Variants in GUCD1 observed in about 807,000 individuals in gnomAD.
The protein encoded by GUCD1 is guanylyl cyclase domain containing 1.
A neutral mutation model predicts 28.3 loss-of-function variants in GUCD1; 17 were observed. The observed-to-expected ratio is 0.60, with a 90% CI of 0.41 to 0.90. The LOEUF (loss-of-function observed/expected upper bound fraction) is 0.90, where lower values mean the gene tolerates loss of function less well. Ranked by LOEUF, GUCD1 falls within the 40% of genes least tolerant of loss-of-function variation. The pLI, the probability that GUCD1 is intolerant of heterozygous loss-of-function variation, is 0.00. For synonymous variants in GUCD1, 129 were observed against 123.3 expected, an observed-to-expected ratio of 1.05 and a Z score of -0.30; for missense variants, 279 against 305.5, an observed-to-expected ratio of 0.91 and a Z score of 0.65.
chr22:24,546,252 C>A (rs568748339), intron 4 of GUCD1, among the ~76,000 whole-genome samples: 64 of 151,740 alleles, frequency 4.2e-4, no homozygotes, highest in Non-Finnish European at 6.0e-4. Flanking sequence ...TGAGCCACCG[C>A]GCCCGGCCCC....
upstream of GUCD1, chr22:24,555,153 G>A (rs993066949): frequency 1.6e-5 from 21 of 1,303,780 alleles, no homozygotes; most frequent in Admixed American, 2.9e-4. Flanking sequence ...CGCCCCAAGC[G>A]CCGCCCCAGC....
chr22:24,544,106 C>A, intron 4 of GUCD1, 23 bp from the exon 5 acceptor site: 1 of 1,598,876 alleles, frequency 6.3e-7, no homozygotes, highest in Non-Finnish European at 8.6e-7. Context: ...GGGGGGTCAG[C>A]TGGTGCTGCT....
At position 24,555,020 on chromosome 22, in the gene GUCD1, C is replaced by A. The variant is rs757037411; in HGVS notation, c.-29G>T. On this transcript the variant is annotated 5_prime_UTR_variant, in exon 1 of 6. Coordinates refer to ENST00000435822, the MANE Select transcript of GUCD1 (RefSeq NM_001284254.2). ...CCGGGCGGCGCGGGGCGCCCATGGC[C>A]CCGGCCCAGAGCGGGCTACAGCTTC... The A allele has an allele frequency of 1.4e-6, 2 of 1,474,790 alleles. No individual in the cohort carries two copies. Among genetic ancestry groups the A allele is most frequent in the Non-Finnish European group, 1.8e-6 (2 of 1,116,942 alleles). The allele number at this position is 1,474,790 out of a possible 1,614,324, so 91.4% of individuals were successfully genotyped here.
chr22:24,547,954 C>T lies in GUCD1; in HGVS notation c.248G>A (p.Arg83His). The change falls in exon 3 of 6, where the codon CGC (arginine) becomes CAC (histidine). Residue 83 changes from arginine to histidine, a missense_variant. Transcript: ENST00000435822. ...GACACCCAGGGTCTGGGTACAGAAG[C>T]GGTGCCTCACGCCAAAGTGGTGCAT... ...YLMHHFGVRHRFCTQTLGVDK... is the reference protein window; with the variant it reads ...YLMHHFGVRHHFCTQTLGVDK... 6.2e-7 allele frequency: 1 copy of T among 1,614,180 alleles called. No homozygotes were observed. Among genetic ancestry groups the T allele is most frequent in the South Asian group, 1.1e-5 (1 of 91,090 alleles).
chr22:24,542,743 C>A lies in GUCD1; in HGVS notation c.*263G>T. Reference sequence around the variant, plus strand: ...CTGTCGGGACTGGACTTCCTGTGGGCGCAGCTGGAGTCAAGGCTTGGGGTC... The same window carrying A: ...CTGTCGGGACTGGACTTCCTGTGGGAGCAGCTGGAGTCAAGGCTTGGGGTC... On this transcript the variant is annotated 3_prime_UTR_variant, in exon 6 of 6. Transcript: ENST00000435822. The A allele has an allele frequency of 2.3e-6, 1 of 439,618 alleles. No homozygotes were observed. Among genetic ancestry groups the A allele is most frequent in the Non-Finnish European group, 4.2e-6 (1 of 236,402 alleles). The allele number at this position is 439,618 out of a possible 1,614,324, so 27.2% of individuals were successfully genotyped here.
At chr22:24,554,890 C>T in intron 1 of GUCD1, 59 bp downstream of exon 1, 1 of 1,378,246 alleles carries the variant, frequency 7.3e-7, no homozygotes, top group South Asian at 1.2e-5. Flanking sequence ...CTGCCCCGCG[C>T]TAGGGAGGGG....
In GUCD1 at chr22:24,542,847, T is replaced by C. The variant is rs370683879; in HGVS notation, c.*159A>G. The C allele has an allele frequency of 3.5e-4, 217 of 622,538 alleles. 1 individual carries two copies. The East Asian group carries it at 3.9e-3, about 11-fold the overall frequency. The allele number at this position is 622,538 out of a possible 1,614,324, so 38.6% of individuals were successfully genotyped here. A position where few individuals can be genotyped will look rare whatever the true frequency, so the allele number is the denominator to read the frequency against. The stretch of plus-strand genomic sequence containing the variant: ...ACACGGCACTGGCAGACAAAGCAGC[T>C]GTGCCAGTCTCCGAGTTCCTGGGAC... On this transcript the variant is annotated 3_prime_UTR_variant, in exon 6 of 6. Transcript: ENST00000435822.
intron 1 of GUCD1, 122 bp downstream of exon 1, chr22:24,554,827 C>T: frequency 6.9e-6 from 5 of 723,980 alleles, no homozygotes; most frequent in Non-Finnish European, 1.2e-5. Flanking sequence ...TGACTGGAAC[C>T]AGGCGGGTGT....
At position 24,544,179 on chromosome 22, in the gene GUCD1, T is replaced by C. The variant is rs1291089813; in HGVS notation, c.387-96A>G. The stretch of plus-strand genomic sequence containing the variant: ...TGTGCCTGTTTCTCTGTTACAAAGC[T>C]TGGGGATCGGCTCCTTTTCCCTTTG... On this transcript the variant is annotated intron_variant, in intron 4 of 5. Coordinates refer to ENST00000435822, the MANE Select transcript of GUCD1 (RefSeq NM_001284254.2). 4 of 1,512,008 alleles carry C rather than the reference T, an allele frequency of 2.6e-6. No individual in the cohort carries two copies. In the East Asian group the frequency reaches 9.1e-5, roughly 34 times the overall value. 93.7% of individuals were successfully genotyped at this position (1,512,008 alleles called of 1,614,324 possible). A position where few individuals can be genotyped will look rare whatever the true frequency, so the allele number is the denominator to read the frequency against.
chr22:24,553,492 G>A (rs1430489973), intron 1 of GUCD1, among the ~76,000 whole-genome samples: 1 of 152,218 alleles, frequency 6.6e-6, no homozygotes, highest in Non-Finnish European at 1.5e-5. Flanking sequence ...CTTGGGGAAT[G>A]GAAGGCGTTT....
intron 3 of GUCD1, 177 bp downstream of exon 3, chr22:24,547,731 T>C (rs1194008108): frequency 1.6e-6 from 1 of 639,212 alleles, no homozygotes; most frequent in Non-Finnish European, 2.7e-6. Flanking sequence ...GCACCTGCTC[T>C]GACTGGCTCC....
intron 1 of GUCD1, among the ~76,000 whole-genome samples, chr22:24,550,341 G>C (rs1027446541): frequency 3.0e-4 from 46 of 152,192 alleles, no homozygotes; most frequent in African/African-American, 1.0e-3. Flanking sequence ...CAAAATAGAG[G>C]CCTAGGCTGG....
At position 24,542,795 on chromosome 22, in the gene GUCD1, G is replaced by T. The variant is rs1052903753; in HGVS notation, c.*211C>A. On this transcript the variant is annotated 3_prime_UTR_variant, in exon 6 of 6. Transcript: ENST00000435822. The stretch of plus-strand genomic sequence containing the variant: ...TGGGGTATGCTTCCAGCAGCCAGCA[G>T]GTGCTTGGGGTGAGTGACATGACAA... 1.7e-5 allele frequency: 9 copies of T among 523,212 alleles called. No individual in the cohort carries two copies. Among genetic ancestry groups the T allele is most frequent in the East Asian group, 1.7e-4 (5 of 29,396 alleles). The allele number at this position is 523,212 out of a possible 1,614,324, so 32.4% of individuals were successfully genotyped here. A position where few individuals can be genotyped will look rare whatever the true frequency, so the allele number is the denominator to read the frequency against.
In GUCD1 at chr22:24,542,835, A is replaced by G. The variant is rs1234943536; in HGVS notation, c.*171T>C. 1 of 595,126 alleles carries G rather than the reference A, an allele frequency of 1.7e-6. No individual in the cohort carries two copies. Among genetic ancestry groups the G allele is most frequent in the Non-Finnish European group, 3.0e-6 (1 of 330,160 alleles). The allele number at this position is 595,126 out of a possible 1,614,324, so 36.9% of individuals were successfully genotyped here. On this transcript the variant is annotated 3_prime_UTR_variant, in exon 6 of 6. Transcript: ENST00000435822. ...TGACATGACAACACACGGCACTGGC[A>G]GACAAAGCAGCTGTGCCAGTCTCCG...
At chr22:24,555,827 A>G (rs1254298349), upstream of GUCD1, 6 of 1,545,240 alleles carry the variant, frequency 3.9e-6, no homozygotes, top group Non-Finnish European at 5.2e-6. Context: ...CCCAGTCATC[A>G]GCCCTCTTTT....
At chr22:24,555,331 C>A, upstream of GUCD1, 3 of 1,394,662 alleles carry the variant, frequency 2.2e-6, 1 homozygote, top group Non-Finnish European at 2.8e-6. Context: ...GCGCAGCTCA[C>A]CAGGACGCGG....
chr22:24,555,776 G>A, upstream of GUCD1: 1 of 1,550,106 alleles, frequency 6.5e-7, no homozygotes, highest in Non-Finnish European at 8.7e-7. Context: ...ACCCTCTCTG[G>A]CTCTTTGCCG....
Position 24,542,770 on chromosome 22 carries a change from TG to T in GUCD1, c.*235del. ...CAGCTGGAGTCAAGGCTTGGGGTCT[TG>T]GGGTATGCTTCCAGCAGCCAGCAGG... is the stretch of plus-strand genomic sequence containing the variant. On this transcript the variant is annotated 3_prime_UTR_variant, in exon 6 of 6. Transcript: ENST00000435822. 4.2e-6 allele frequency: 2 copies of T among 480,514 alleles called. No homozygotes were observed. Among genetic ancestry groups the T allele is most frequent in the Non-Finnish European group, 7.6e-6 (2 of 261,446 alleles). 29.8% of individuals were successfully genotyped at this position (480,514 alleles called of 1,614,324 possible). A position where few individuals can be genotyped will look rare whatever the true frequency, so the allele number is the denominator to read the frequency against.
At chr22:24,545,626 CAG>C (rs1027668551) in intron 4 of GUCD1, among the ~76,000 whole-genome samples, 7 of 151,056 alleles carry the variant, frequency 4.6e-5, no homozygotes, top group African/African-American at 1.7e-4. Flanking sequence ...TTTTTTGAGA[CAG>C]AGTCTGTCTC....
Sources: allele counts gnomAD v4.1 joint callset (sites outside exome capture counted in the v4.1 genomes callset), GRCh38; gene constraint gnomAD v4.1.1; transcripts MANE v1.5; gene names NCBI Gene and HGNC (gene_info 2026-07-23, HGNC 2026-07-21).